Variants in ITGA11 observed in about 807,000 individuals in gnomAD.
ITGA11 encodes the protein integrin alpha-11.
ITGA11 carries 97 observed loss-of-function variants against 141.9 expected under a neutral mutation model. The ratio of observed to expected loss-of-function variants is 0.68; its 90% CI spans 0.58 to 0.81. The LOEUF (loss-of-function observed/expected upper bound fraction) is 0.81. Among genes scored for constraint, ITGA11 ranks in the 30% least tolerant of loss-of-function variants. The pLI is 0.00. For synonymous variants in ITGA11, 658 were observed against 624.6 expected (o/e 1.05, Z -0.80); for missense variants, 1,387 against 1,559.2 (o/e 0.89, Z 1.86).
chr15:68,417,028 CT>C (rs568699883), intron 1 of ITGA11, among the ~76,000 whole-genome samples: 1 of 151,456 alleles, frequency 6.6e-6, no homozygotes, highest in Non-Finnish European at 1.5e-5. Context: ...TGGACCTCCT[CT>C]TTTTTTTTGA....
intron 10 of ITGA11, among the ~76,000 whole-genome samples, chr15:68,344,247 G>C (rs996670856): frequency 1.3e-5 from 2 of 152,060 alleles, no homozygotes; most frequent in Admixed American, 1.3e-4. Flanking sequence ...TTGACTGCCC[G>C]CCCAGCCTGG....
chr15:68,375,762 A>G (rs759893224), intron 2 of ITGA11, among the ~76,000 whole-genome samples: 1 of 152,180 alleles, frequency 6.6e-6, no homozygotes, highest in African/African-American at 2.4e-5. Flanking sequence ...ATGATGATTA[A>G]TTTTATGTGT....
At chr15:68,382,531 G>T (rs916378380) in intron 2 of ITGA11, among the ~76,000 whole-genome samples, 2 of 152,206 alleles carry the variant, frequency 1.3e-5, no homozygotes, top group African/African-American at 4.8e-5. Context: ...ACATCCAGAC[G>T]TCTGGAACCA....
At chr15:68,363,852 C>A (rs1186525555) in intron 4 of ITGA11, among the ~76,000 whole-genome samples, 1 of 152,212 alleles carries the variant, frequency 6.6e-6, no homozygotes, top group African/African-American at 2.4e-5. Context: ...TGTGCAGAGT[C>A]CATATGTGCT....
In ITGA11 at chr15:68,328,394, A is replaced by T; in HGVS notation, c.1902-132T>A. On this transcript the variant is annotated intron_variant, in intron 15 of 29. Coordinates refer to ENST00000315757, the MANE Select transcript of ITGA11 (RefSeq NM_001004439.2). This position sits in a 1 kb window ranked among gnomAD's most constrained non-coding sequence, Gnocchi z 4.8. ...CTGGAGGGGGTGAGGTGGAGGATGG[A>T]GGGGGCGAGGTGGAGGATGGAGGGG... is the stretch of plus-strand genomic sequence containing the variant. 4.4e-6 allele frequency: 1 copy of T among 228,088 alleles called. No homozygotes were observed. Among genetic ancestry groups the T allele is most frequent in the Non-Finnish European group, 7.5e-6 (1 of 133,390 alleles). The allele number at this position is 228,088 out of a possible 1,614,324, so 14.1% of individuals were successfully genotyped here. A position where few individuals can be genotyped will look rare whatever the true frequency, so the allele number is the denominator to read the frequency against.
chr15:68,377,572 C>T (rs923811661), intron 2 of ITGA11, among the ~76,000 whole-genome samples: 7 of 152,098 alleles, frequency 4.6e-5, no homozygotes, highest in African/African-American at 4.8e-5. Flanking sequence ...GCGCCTGGCC[C>T]GAAGTAAAAC....
At chr15:68,363,842 T>C (rs1169474792) in intron 4 of ITGA11, among the ~76,000 whole-genome samples, 2 of 152,186 alleles carry the variant, frequency 1.3e-5, no homozygotes, top group Non-Finnish European at 2.9e-5. Flanking sequence ...CTCACTACCA[T>C]GTGCAGAGTC....
rs186212452 is a variant in ITGA11, at chr15:68,390,816, T to C, written c.164+12102A>G. ...TATTTTACACATGGGCAAATAGAGG[T>C]TCGGGAAGGTTGGCAGAGGTTCTCC... On this transcript the variant is annotated intron_variant, in intron 2 of 29. Transcript: ENST00000315757. 1.2e-4 allele frequency among the ~76,000 whole-genome samples: 18 copies of C among 152,322 alleles called. No homozygotes were observed. In the East Asian group the frequency reaches 3.3e-3, roughly 28 times the overall value.
intron 26 of ITGA11, among the ~76,000 whole-genome samples, chr15:68,309,737 C>T (rs1278067940): frequency 6.6e-6 from 1 of 151,936 alleles, no homozygotes; most frequent in Admixed American, 6.6e-5. Context: ...ACTACAGACG[C>T]CCACCACCAC....
In ITGA11 at chr15:68,322,847, G is replaced by C. The variant is rs1248486171; in HGVS notation, c.2323-1344C>G. Reference sequence around the variant, plus strand: ...CACTCCAACCTGGGTGACAGAGGGAGATACCATTTCAAAAAAAAAAAAAAA... The same window carrying C: ...CACTCCAACCTGGGTGACAGAGGGACATACCATTTCAAAAAAAAAAAAAAA... On this transcript the variant is annotated intron_variant, in intron 18 of 29. Transcript: ENST00000315757. The surrounding 1 kb of genome is among the most constrained non-coding windows in gnomAD (Gnocchi z 5.6). Among the ~76,000 whole-genome samples, 1 of 126,272 alleles carries C rather than the reference G, an allele frequency of 7.9e-6. No homozygotes were observed. Among genetic ancestry groups the C allele is most frequent in the Admixed American group, 9.1e-5 (1 of 10,964 alleles). 82.8% of individuals were successfully genotyped at this position (126,272 alleles called of 152,430 possible).
At chr15:68,369,102 A>T in intron 3 of ITGA11, 82 bp downstream of exon 3, 2 of 949,330 alleles carry the variant, frequency 2.1e-6, no homozygotes, top group Non-Finnish European at 3.4e-6. Context: ...CAGTGTGACC[A>T]TGGACATGGG....
intron 7 of ITGA11, among the ~76,000 whole-genome samples, chr15:68,356,833 G>A (rs935581342): frequency 3.3e-5 from 5 of 152,166 alleles, no homozygotes; most frequent in African/African-American, 1.2e-4. Flanking sequence ...ATGCCACAAG[G>A]AAATCAAGCC....
At chr15:68,318,150 G>A (rs570148548) in intron 20 of ITGA11, among the ~76,000 whole-genome samples, 1 of 152,126 alleles carries the variant, frequency 6.6e-6, no homozygotes, top group Non-Finnish European at 1.5e-5. Flanking sequence ...TCCTGGGTTG[G>A]GGATGGGTGG....
At chr15:68,367,507 G>C (rs1895460768) in intron 3 of ITGA11, among the ~76,000 whole-genome samples, 1 of 152,074 alleles carries the variant, frequency 6.6e-6, no homozygotes, top group East Asian at 1.9e-4. Context: ...AGCCTTCCCT[G>C]ATCACCTTCT....
intron 20 of ITGA11, among the ~76,000 whole-genome samples, chr15:68,319,964 T>C (rs1893737882): frequency 6.6e-6 from 1 of 152,078 alleles, no homozygotes; most frequent in Admixed American, 6.5e-5. Flanking sequence ...TTACTTTATA[T>C]ATTTTTGTAG....
chr15:68,304,324 C>A lies in ITGA11; in HGVS notation c.3382-439G>T, dbSNP rs1893122681. On this transcript the variant is annotated intron_variant, in intron 28 of 29. Coordinates refer to ENST00000315757, the MANE Select transcript of ITGA11 (RefSeq NM_001004439.2). This position sits in a 1 kb window ranked among gnomAD's most constrained non-coding sequence, Gnocchi z 6.1. ...TGACTTTCCCACGAGTCACAGTAGTCATGGTGCCAAGGCCCATAACACTTT... is the reference window on the plus strand; with the variant it reads ...TGACTTTCCCACGAGTCACAGTAGTAATGGTGCCAAGGCCCATAACACTTT... 6.6e-6 allele frequency among the ~76,000 whole-genome samples: 1 copy of A among 152,196 alleles called. No homozygotes were observed. Among genetic ancestry groups the A allele is most frequent in the African/African-American group, 2.4e-5 (1 of 41,432 alleles).
Position 68,304,208 on chromosome 15 carries a change from G to C in ITGA11, c.3382-323C>G, listed in dbSNP as rs1460973512. 6.6e-6 allele frequency among the ~76,000 whole-genome samples: 1 copy of C among 152,102 alleles called. No individual in the cohort carries two copies. The highest frequency in any genetic ancestry group is 1.9e-4 in the East Asian group (1 of 5,174). On this transcript the variant is annotated intron_variant, in intron 28 of 29. Coordinates refer to ENST00000315757, the MANE Select transcript of ITGA11 (RefSeq NM_001004439.2). This position sits in a 1 kb window ranked among gnomAD's most constrained non-coding sequence, Gnocchi z 6.1. The stretch of plus-strand genomic sequence containing the variant: ...CTTCTCCCTTTGCTGCCTCCGCATC[G>C]CCTCCCGCACTTCTAAAGGTCAGTG...
Position 68,338,506 on chromosome 15 carries a change from T to C in ITGA11, c.1276+994A>G, listed in dbSNP as rs143505764. 3.2e-4 allele frequency among the ~76,000 whole-genome samples: 47 copies of C among 145,768 alleles called. 1 individual carries two copies. In the East Asian group the frequency reaches 9.5e-3, roughly 29 times the overall value. Reference sequence around the variant, plus strand: ...GAACGCAGGCCCTAGGGCCAGGTGCTGTTGGGAAACTTCTAGGGATCTACA... The same window carrying C: ...GAACGCAGGCCCTAGGGCCAGGTGCCGTTGGGAAACTTCTAGGGATCTACA... On this transcript the variant is annotated intron_variant, in intron 11 of 29. Coordinates refer to ENST00000315757, the MANE Select transcript of ITGA11 (RefSeq NM_001004439.2).
chr15:68,317,981 T>C (rs533352006), intron 20 of ITGA11, among the ~76,000 whole-genome samples: 1 of 152,316 alleles, frequency 6.6e-6, no homozygotes, highest in East Asian at 1.9e-4. Flanking sequence ...AGGACAAATA[T>C]GTAGGCTGCT....
Sources: gnomAD v4.1 joint callset for allele counts (sites outside exome capture counted in the v4.1 genomes callset) on GRCh38, gnomAD v4.1.1 for gene constraint, Gnocchi (gnomAD v3.1) non-coding constraint, MANE v1.5 for transcripts, NCBI Gene and HGNC (gene_info 2026-07-23, HGNC 2026-07-21) for gene names.